DGKB: variants seen among roughly 807,000 people sequenced by gnomAD.
The protein encoded by DGKB is diacylglycerol kinase beta.
In DGKB, 67 loss-of-function variants were observed where a neutral mutation model predicts 114.3. That is an observed-to-expected ratio of 0.59 (90% CI 0.48 to 0.72). The LOEUF (loss-of-function observed/expected upper bound fraction) is 0.72. DGKB is among the 30% of genes least tolerant of loss of function. DGKB has a pLI of 0.00. For missense variants in DGKB, 907 were observed against 975.2 expected, an observed-to-expected ratio of 0.93 and a Z score of 0.93; for synonymous variants, 398 against 323.1, an observed-to-expected ratio of 1.23 and a Z score of -2.49.
At chr7:14,906,086 T>C (rs994042376), upstream of DGKB, among the ~76,000 whole-genome samples, 1 of 152,088 alleles carries the variant, frequency 6.6e-6, no homozygotes, top group East Asian at 1.9e-4. Flanking sequence ...AATAAAGTTA[T>C]CTAGAATCTA....
At chr7:14,545,746 G>C (rs957864705) in intron 20 of DGKB, among the ~76,000 whole-genome samples, 3 of 152,194 alleles carry the variant, frequency 2.0e-5, no homozygotes, top group African/African-American at 7.2e-5. Context: ...TTGTTAACTT[G>C]TTCCTGATCT....
intron 23 of DGKB, among the ~76,000 whole-genome samples, chr7:14,210,520 G>T (rs879315516): frequency 4.6e-5 from 7 of 151,932 alleles, no homozygotes. Flanking sequence ...TTAATATGTT[G>T]CCAGAATCAC....
In DGKB at chr7:14,685,290, G is replaced by C. The variant is rs776202371; in HGVS notation, c.784C>G (p.Leu262Val). The C allele has an allele frequency of 3.3e-5, 54 of 1,613,770 alleles. No homozygotes were observed. In the Admixed American group the frequency reaches 7.2e-4, roughly 21 times the overall value. The change falls in exon 10 of 26, where the codon CTG becomes GTG. Residue 262 changes from leucine (L) to valine (V), a missense_variant. Coordinates refer to ENST00000402815, the MANE Select transcript of DGKB (RefSeq NM_001350709.2). ...FNKPAYCNLC[L>V]NMLIGVGKQG... ...TTCCCCACGCCAATCAGCATGTTCA[G>C]GCAAAGGTTGCAATAGGCAGGTTTG...
At chr7:14,572,948 G>A (rs901929829) in intron 20 of DGKB, among the ~76,000 whole-genome samples, 5 of 151,856 alleles carry the variant, frequency 3.3e-5, no homozygotes, top group African/African-American at 9.7e-5. Flanking sequence ...AATCTTAGAG[G>A]CAGAAAGCCA....
At chr7:14,400,066 G>A (rs531595652) in intron 21 of DGKB, among the ~76,000 whole-genome samples, 1 of 151,966 alleles carries the variant, frequency 6.6e-6, no homozygotes, top group African/African-American at 2.4e-5. Flanking sequence ...TGAAGTGCGT[G>A]TAAAAATAGT....
chr7:14,522,466 A>G (rs1478845919), intron 20 of DGKB, among the ~76,000 whole-genome samples: 1 of 152,164 alleles, frequency 6.6e-6, no homozygotes, highest in Non-Finnish European at 1.5e-5. Context: ...GCACACTCAT[A>G]CTAACGAAAT....
chr7:14,720,290 C>CTTTTTTATTTTTAAT (rs1828923215), intron 5 of DGKB, among the ~76,000 whole-genome samples: 2 of 151,816 alleles, frequency 1.3e-5, no homozygotes, highest in Non-Finnish European at 1.5e-5. Flanking sequence ...TCTTTCCATC[C>CTTTTTTATTTTTAAT]TTTTTTATTT....
intron 21 of DGKB, among the ~76,000 whole-genome samples, chr7:14,461,827 C>T (rs1013938927): frequency 6.6e-6 from 1 of 152,112 alleles, no homozygotes; most frequent in Non-Finnish European, 1.5e-5. Flanking sequence ...GGCCAATATC[C>T]CTGATGAACA....
At chr7:14,657,056 TAGTG>T (rs1361764579) in intron 13 of DGKB, among the ~76,000 whole-genome samples, 2 of 151,738 alleles carry the variant, frequency 1.3e-5, no homozygotes, top group African/African-American at 4.8e-5. Flanking sequence ...TGAAATCACT[TAGTG>T]AGGCTGGGTC....
intron 23 of DGKB, among the ~76,000 whole-genome samples, chr7:14,242,079 A>T (rs1793763175): frequency 1.3e-5 from 2 of 152,184 alleles, no homozygotes; most frequent in African/African-American, 4.8e-5. Flanking sequence ...TATTTAATTT[A>T]TATTTATTAG....
intron 21 of DGKB, among the ~76,000 whole-genome samples, chr7:14,377,545 T>C (rs577883723): frequency 1.3e-5 from 2 of 152,310 alleles, no homozygotes; most frequent in South Asian, 2.1e-4. Context: ...ATTCTTATCT[T>C]CTAGGACAGG....
intron 21 of DGKB, among the ~76,000 whole-genome samples, chr7:14,390,433 G>A (rs970799784): frequency 6.6e-6 from 1 of 152,156 alleles, no homozygotes; most frequent in African/African-American, 2.4e-5. Context: ...ATTCCTTGAA[G>A]AAATTAATTT....
chr7:14,932,906 C>T (rs888506821), intron 1 of DGKB, among the ~76,000 whole-genome samples: 2 of 152,122 alleles, frequency 1.3e-5, no homozygotes, highest in African/African-American at 2.4e-5. Flanking sequence ...GGTCTTCGTC[C>T]ACCTTGGAAA....
In DGKB at chr7:14,791,918, T is replaced by C. The variant is rs577892985; in HGVS notation, c.71-34187A>G. On this transcript the variant is annotated intron_variant, in intron 2 of 25. Coordinates refer to ENST00000402815, the MANE Select transcript of DGKB (RefSeq NM_001350709.2). ...TCATTGTGTTCATGAGGGATGCTGG[T>C]CTGTGGTTTTCCATATTTTTACTCT... Among the ~76,000 whole-genome samples, 294 of 152,240 alleles carry C rather than the reference T, an allele frequency of 1.9e-3. 2 individuals are homozygous for C. In the South Asian group the frequency reaches 0.027, roughly 14 times the overall value.
At chr7:14,244,496 A>G (rs1048989533) in intron 23 of DGKB, among the ~76,000 whole-genome samples, 1 of 102,680 alleles carries the variant, frequency 9.7e-6, no homozygotes, top group Non-Finnish European at 2.0e-5. Context: ...CTCTACTAAA[A>G]GTACAAAAAG....
At chr7:14,504,795 T>C (rs1584440370) in intron 20 of DGKB, among the ~76,000 whole-genome samples, 1 of 152,288 alleles carries the variant, frequency 6.6e-6, no homozygotes, top group East Asian at 1.9e-4. Flanking sequence ...TATAGGTATT[T>C]TACTGGATAA....
chr7:14,701,781 G>A, intron 6 of DGKB, 51 bp from the exon 7 acceptor site: 2 of 1,267,278 alleles, frequency 1.6e-6, no homozygotes, highest in South Asian at 1.2e-5. Context: ...TAAGATCAAT[G>A]TTAGTTTAAA....
At chr7:14,627,726 G>A (rs1480223046) in intron 14 of DGKB, among the ~76,000 whole-genome samples, 4 of 151,814 alleles carry the variant, frequency 2.6e-5, no homozygotes, top group Admixed American at 1.3e-4. Context: ...GGCAGATCAC[G>A]AGGTCAGGAG....
At chr7:14,867,328 T>C (rs1851837855) in intron 1 of DGKB, among the ~76,000 whole-genome samples, 1 of 152,186 alleles carries the variant, frequency 6.6e-6, no homozygotes. Flanking sequence ...TATTCTCTTA[T>C]CTTCTAAGAT....
Sources: allele counts gnomAD v4.1 joint callset (sites outside exome capture counted in the v4.1 genomes callset), GRCh38; gene constraint gnomAD v4.1.1; transcripts MANE v1.5; gene names NCBI Gene and HGNC (gene_info 2026-07-23, HGNC 2026-07-21).